Variants in PTPN23 observed in about 807,000 individuals in gnomAD.
The protein encoded by PTPN23 is protein tyrosine phosphatase non-receptor type 23, also known as tyrosine-protein phosphatase non-receptor type 23.
PTPN23 carries 72 observed loss-of-function variants against 156.3 expected under a neutral mutation model. The ratio of observed to expected loss-of-function variants is 0.46; its 90% CI spans 0.38 to 0.56. The LOEUF (loss-of-function observed/expected upper bound fraction) is 0.56, where lower values mean the gene tolerates loss of function less well. PTPN23 is among the 20% of genes least tolerant of loss of function. The pLI is 0.00. For synonymous variants in PTPN23, 957 were observed against 899.6 expected, an observed-to-expected ratio of 1.06 and a Z score of -1.14; for missense variants, 1,974 against 2,171.5, an observed-to-expected ratio of 0.91 and a Z score of 1.81.
rs760743652 is a variant in PTPN23 at position 47,411,334 on chromosome 3, A to G, written c.3536A>G (p.Glu1179Gly). The change falls in exon 20 of 25, where the codon GAG becomes GGG. Residue 1179 changes from glutamate (E) to glycine (G), a missense_variant. Glu to Gly is a moderately conservative substitution (Grantham distance 98). This residue lies in a region of PTPN23 where 731 missense variants were observed against 669.1 expected (regional missense o/e 1.09). Transcript: ENST00000265562. This position sits in a 1 kb window ranked among gnomAD's most constrained non-coding sequence, Gnocchi z 6.3. Reference protein sequence around the residue: ...ERLRQLQQELEAFRGQLGDVG... With the variant: ...ERLRQLQQELGAFRGQLGDVG... Reference sequence around the variant, plus strand: ...CTGCGGCAGTTGCAGCAGGAGCTGGAGGCCTTTCGGGGTCAGCTGGGGGAT... The same window carrying G: ...CTGCGGCAGTTGCAGCAGGAGCTGGGGGCCTTTCGGGGTCAGCTGGGGGAT... The G allele has an allele frequency of 6.2e-7, 1 of 1,612,870 alleles. No homozygotes were observed. Among genetic ancestry groups the G allele is most frequent in the Non-Finnish European group, 8.5e-7 (1 of 1,180,004 alleles).
chr3:47,394,783 A>G (rs901856628), intron 1 of PTPN23, among the ~76,000 whole-genome samples: 11 of 152,112 alleles, frequency 7.2e-5, no homozygotes, highest in South Asian at 2.1e-4. Flanking sequence ...GTTTTGGTCT[A>G]TCTTCTCCCT....
chr3:47,408,278 G>T, intron 14 of PTPN23, 67 bp from the exon 15 acceptor site: 1 of 1,571,392 alleles, frequency 6.4e-7, no homozygotes, highest in Non-Finnish European at 8.7e-7. Context: ...TTGCCCTAGC[G>T]GCTCCTTTGA....
At chr3:47,389,088 C>T (rs902698172) in intron 1 of PTPN23, among the ~76,000 whole-genome samples, 10 of 152,118 alleles carry the variant, frequency 6.6e-5, no homozygotes, top group African/African-American at 2.2e-4. Flanking sequence ...ATTCTACTGT[C>T]GGTTTCCATG....
intron 2 of PTPN23, among the ~76,000 whole-genome samples, chr3:47,404,168 C>T (rs1240071348): frequency 6.6e-6 from 1 of 152,246 alleles, no homozygotes; most frequent in Non-Finnish European, 1.5e-5. Flanking sequence ...GGCACAGTGG[C>T]TCATGCCTGT....
In PTPN23 at chr3:47,406,771, G is replaced by T; in HGVS notation, c.807+21G>T. Reference sequence around the variant, plus strand: ...AGCGGGTGAGCTACAGCGAGGAGGGGACTGGGGACCAATGGCAGCCTTCAG... The same window carrying T: ...AGCGGGTGAGCTACAGCGAGGAGGGTACTGGGGACCAATGGCAGCCTTCAG... On this transcript the variant is annotated intron_variant, in intron 9 of 24. Coordinates refer to ENST00000265562, the MANE Select transcript of PTPN23 (RefSeq NM_015466.4). The surrounding 1 kb of genome is among the most constrained non-coding windows in gnomAD (Gnocchi z 5.8). 6.2e-7 allele frequency: 1 copy of T among 1,613,120 alleles called. No homozygotes were observed. Among genetic ancestry groups the T allele is most frequent in the Non-Finnish European group, 8.5e-7 (1 of 1,179,792 alleles).
At chr3:47,393,077 C>T in intron 1 of PTPN23, among the ~76,000 whole-genome samples, 1 of 152,096 alleles carries the variant, frequency 6.6e-6, no homozygotes. Flanking sequence ...GTCAAGTGAT[C>T]CTCTGGCCTC....
chr3:47,389,210 T>C (rs1403035625), intron 1 of PTPN23, among the ~76,000 whole-genome samples: 1 of 152,206 alleles, frequency 6.6e-6, no homozygotes. Context: ...GTAAACAATA[T>C]TTTCACCTGA....
At position 47,387,208 on chromosome 3, in the gene PTPN23, A is replaced by G. The variant is rs564030800; in HGVS notation, c.84+6028A>G. ...AAGGAGCTGAAGATTTCACTTGGCA[A>G]TACGCCATTCTCTGAATATAATTAG... On this transcript the variant is annotated intron_variant, in intron 1 of 24. Transcript: ENST00000265562. 1.3e-5 allele frequency among the ~76,000 whole-genome samples: 2 copies of G among 152,344 alleles called. 1 individual carries two copies. The highest frequency in any genetic ancestry group is 3.9e-4 in the East Asian group (2 of 5,190).
At chr3:47,399,773 G>A (rs1344158670) in intron 2 of PTPN23, among the ~76,000 whole-genome samples, 2 of 152,110 alleles carry the variant, frequency 1.3e-5, no homozygotes, top group Non-Finnish European at 2.9e-5. Context: ...CTGGGACTTG[G>A]TTTAATTTAT....
rs761090894 is a variant in PTPN23, at chr3:47,405,706, G to A, written c.365-43G>A. Reference sequence around the variant, plus strand: ...CCCTCTGTCTCACCTTCACATGGGTGTGAGCAGCCCCAGGCCCCTAACACT... The same window carrying A: ...CCCTCTGTCTCACCTTCACATGGGTATGAGCAGCCCCAGGCCCCTAACACT... On this transcript the variant is annotated intron_variant, in intron 4 of 24. Coordinates refer to ENST00000265562, the MANE Select transcript of PTPN23 (RefSeq NM_015466.4). This position sits in a 1 kb window ranked among gnomAD's most constrained non-coding sequence, Gnocchi z 4.7. The A allele has an allele frequency of 1.0e-5, 16 of 1,578,706 alleles. No homozygotes were observed. Among genetic ancestry groups the A allele is most frequent in the African/African-American group, 1.3e-5 (1 of 74,104 alleles).
chr3:47,389,836 GT>G (rs1704732864), intron 1 of PTPN23, among the ~76,000 whole-genome samples: 1 of 108,408 alleles, frequency 9.2e-6, no homozygotes, highest in Non-Finnish European at 1.7e-5. Context: ...GCGAGACTCC[GT>G]CTCAAAAAAA....
chr3:47,397,954 A>C (rs894365355), intron 2 of PTPN23, among the ~76,000 whole-genome samples: 7 of 151,912 alleles, frequency 4.6e-5, no homozygotes, highest in Non-Finnish European at 1.0e-4. Flanking sequence ...TACAGGTGTG[A>C]GCCACCGCGC....
intron 15 of PTPN23, 62 bp downstream of exon 15, chr3:47,408,552 T>C: frequency 6.4e-7 from 1 of 1,556,930 alleles, no homozygotes; most frequent in Non-Finnish European, 8.7e-7. Flanking sequence ...TGTGGCCTCC[T>C]CCGTGTCCCT....
chr3:47,391,555 T>C (rs1219591550), intron 1 of PTPN23, among the ~76,000 whole-genome samples: 1 of 152,206 alleles, frequency 6.6e-6, no homozygotes, highest in African/African-American at 2.4e-5. Flanking sequence ...GCTGATCTTA[T>C]AGGAGGACGG....
At chr3:47,385,538 A>G (rs1171961005) in intron 1 of PTPN23, among the ~76,000 whole-genome samples, 4 of 152,098 alleles carry the variant, frequency 2.6e-5, no homozygotes, top group Non-Finnish European at 4.4e-5. Context: ...TTAGCTGGGC[A>G]TGGTGGTGCG....
Position 47,405,232 on chromosome 3 carries a change from T to A in PTPN23, c.364+151T>A. 1.4e-6 allele frequency: 1 copy of A among 703,262 alleles called. No homozygotes were observed. The highest frequency in any genetic ancestry group is 2.5e-6 in the Non-Finnish European group (1 of 406,984). The allele number at this position is 703,262 out of a possible 1,614,324, so 43.6% of individuals were successfully genotyped here. On this transcript the variant is annotated intron_variant, in intron 4 of 24. Coordinates refer to ENST00000265562, the MANE Select transcript of PTPN23 (RefSeq NM_015466.4). The surrounding 1 kb of genome is among the most constrained non-coding windows in gnomAD (Gnocchi z 4.7). ...CTGACCTCCCCACAGCCCTGCCAGCTCCTCCACTGTTTTCTGGGCTGGGCC... is the reference window on the plus strand; with the variant it reads ...CTGACCTCCCCACAGCCCTGCCAGCACCTCCACTGTTTTCTGGGCTGGGCC...
chr3:47,381,192 T>G lies in PTPN23; in HGVS notation c.84+12T>G, dbSNP rs760313256. On this transcript the variant is annotated intron_variant, in intron 1 of 24. Transcript: ENST00000265562. Reference sequence around the variant, plus strand: ...CAGCTGTGAAGAAGGTGAGCTTGCCTTCCATCTTCCCCCCTATCCGCCGCG... The same window carrying G: ...CAGCTGTGAAGAAGGTGAGCTTGCCGTCCATCTTCCCCCCTATCCGCCGCG... 15 of 1,572,620 alleles carry G rather than the reference T, an allele frequency of 9.5e-6. No individual in the cohort carries two copies. The Admixed American group carries it at 2.8e-4, about 29-fold the overall frequency.
rs748428372 is a variant in PTPN23, at chr3:47,407,282, G to T, written c.865-27G>T. On this transcript the variant is annotated intron_variant, in intron 10 of 24. Transcript: ENST00000265562. The surrounding 1 kb of genome is among the most constrained non-coding windows in gnomAD (Gnocchi z 4.0). Reference sequence around the variant, plus strand: ...GGTGCCAGCCTTGGTTAGTGCTAAGGCCCCACCCCTGTCCCTAACCCCACA... The same window carrying T: ...GGTGCCAGCCTTGGTTAGTGCTAAGTCCCCACCCCTGTCCCTAACCCCACA... The T allele has an allele frequency of 2.4e-5, 39 of 1,613,634 alleles. No individual in the cohort carries two copies. Among genetic ancestry groups the T allele is most frequent in the Admixed American group, 8.3e-5 (5 of 59,984 alleles).
rs1261304604 is a variant in PTPN23, at chr3:47,407,580, A to G, written c.999A>G (p.Val333=). The change falls in exon 12 of 25, where the codon GTA becomes GTG. Residue 333 remains valine (V), a synonymous_variant. Coordinates refer to ENST00000265562, the MANE Select transcript of PTPN23 (RefSeq NM_015466.4). The surrounding 1 kb of genome is among the most constrained non-coding windows in gnomAD (Gnocchi z 4.0). ...AVPALDTLQP[V]KGAPLVKPLP... ...CAGCATTGGACACTCTTCAGCCTGT[A>G]AAAGGTCGGGGAGCTGAGAGGTGGG... 2.5e-6 allele frequency: 4 copies of G among 1,613,038 alleles called. No individual in the cohort carries two copies. Among genetic ancestry groups the G allele is most frequent in the Non-Finnish European group, 2.5e-6 (3 of 1,179,144 alleles).
Sources: allele counts gnomAD v4.1 joint callset (sites outside exome capture counted in the v4.1 genomes callset), GRCh38; gene constraint gnomAD v4.1.1; regional missense constraint gnomAD v4.1.1; non-coding constraint Gnocchi (gnomAD v3.1); transcripts MANE v1.5; gene names NCBI Gene and HGNC (gene_info 2026-07-23, HGNC 2026-07-21).